The following NCOA3 variants were observed in gnomAD, a reference collection of about 807,000 sequenced individuals.
NCOA3 encodes CBP-interacting protein.
In NCOA3, 51 loss-of-function variants were observed where a neutral mutation model predicts 158.8. The ratio of observed to expected loss-of-function variants is 0.32; its 90% CI spans 0.26 to 0.41. NCOA3 has a LOEUF of 0.41. Ranked by LOEUF, NCOA3 falls within the 10% of genes least tolerant of loss-of-function variation. The pLI is 1.00. For missense variants in NCOA3, 1,510 were observed against 1,746.6 expected (o/e 0.86, Z 2.41); for synonymous variants, 537 against 592.4 (o/e 0.91, Z 1.36).
intron 2 of NCOA3, among the ~76,000 whole-genome samples, chr20:47,588,431 G>A (rs1159385116): frequency 6.8e-6 from 1 of 146,670 alleles, no homozygotes; most frequent in East Asian, 2.1e-4. Flanking sequence ...CACCACGCCC[G>A]ACCTCCACCC....
chr20:47,593,969 CT>C (rs1242396728), intron 2 of NCOA3, among the ~76,000 whole-genome samples: 1 of 152,128 alleles, frequency 6.6e-6, no homozygotes, highest in South Asian at 2.1e-4. Flanking sequence ...ATTATAAATT[CT>C]GCATTCATGC....
chr20:47,517,287 G>C lies in NCOA3; in HGVS notation c.-99+15268G>C, dbSNP rs536297429. ...GTACAGAGTAAAAAGAGATGAGAAA[G>C]AGAAGAAACTGAAGCAGCAGTTAAT... On this transcript the variant is annotated intron_variant, in intron 1 of 22. Transcript: ENST00000371998. 5.3e-5 allele frequency among the ~76,000 whole-genome samples: 8 copies of C among 152,238 alleles called. No individual in the cohort carries two copies. The East Asian group carries it at 5.8e-4, about 11-fold the overall frequency.
intron 1 of NCOA3, among the ~76,000 whole-genome samples, chr20:47,536,805 CTTTTTTTTTT>C (rs1227796813): frequency 1.5e-5 from 2 of 129,730 alleles, no homozygotes; most frequent in Admixed American, 1.6e-4. Flanking sequence ...CTGTTTTTTT[CTTTTTTTTTT>C]TTTTTTTTGA....
chr20:47,516,865 T>C (rs544969150), intron 1 of NCOA3, among the ~76,000 whole-genome samples: 2 of 149,130 alleles, frequency 1.3e-5, no homozygotes, highest in African/African-American at 5.0e-5. Flanking sequence ...AGGCAGAGAT[T>C]GAGCCAAGAT....
intron 1 of NCOA3, among the ~76,000 whole-genome samples, chr20:47,537,295 G>A (rs959825448): frequency 5.3e-5 from 8 of 152,046 alleles, no homozygotes; most frequent in Admixed American, 2.6e-4. Flanking sequence ...TACTTGTAGC[G>A]TTGTAAAGAA....
At chr20:47,625,702 A>G (rs1463300469) in intron 5 of NCOA3, among the ~76,000 whole-genome samples, 1 of 152,156 alleles carries the variant, frequency 6.6e-6, no homozygotes. Context: ...ATATAGTTGC[A>G]AACTGAGGAA....
At position 47,647,356 on chromosome 20, in the gene NCOA3, A is replaced by C. The variant is rs762379937; in HGVS notation, c.3536A>C (p.Gln1179Pro). 6.2e-7 allele frequency: 1 copy of C among 1,613,746 alleles called. No homozygotes were observed. The highest frequency in any genetic ancestry group is 8.5e-7 in the Non-Finnish European group (1 of 1,179,720). The stretch of plus-strand genomic sequence containing the variant: ...AGAATGCAGCTTCAGCAGAGGCTGC[A>C]GGGCCAGCAGGTAACCAGTCATGTG... ...QLRMQLQQRL[Q>P]GQQFLNQSRQ... The change falls in exon 18 of 23, where the codon CAG becomes CCG. Residue 1179 changes from glutamine (Q) to proline (P), a missense_variant. By Grantham distance (76) the Gln-to-Pro change is moderately conservative. Transcript: ENST00000371998.
chr20:47,511,556 T>TATATATATACACACACACATACACA (rs1569310943), intron 1 of NCOA3, among the ~76,000 whole-genome samples: 1 of 30,196 alleles, frequency 3.3e-5, no homozygotes, highest in Non-Finnish European at 1.0e-4. Context: ...TATATATATA[T>TATATATATACACACACACATACACA]TTCTTTTTTT....
intron 10 of NCOA3, 139 bp from the exon 11 acceptor site, chr20:47,635,183 C>G: frequency 6.4e-6 from 5 of 782,432 alleles, no homozygotes; most frequent in Non-Finnish European, 9.6e-6. Context: ...CCTGCCTCAG[C>G]TTCCCAAAGT....
chr20:47,645,064 C>T (rs1455357440), intron 17 of NCOA3, among the ~76,000 whole-genome samples: 3 of 152,096 alleles, frequency 2.0e-5, no homozygotes, highest in African/African-American at 7.2e-5. Flanking sequence ...ATCTGGTAAT[C>T]TTTTATTACC....
chr20:47,596,098 G>T (rs547514869), intron 2 of NCOA3, among the ~76,000 whole-genome samples: 1 of 152,312 alleles, frequency 6.6e-6, no homozygotes, highest in East Asian at 1.9e-4. Flanking sequence ...GAACGGGACG[G>T]TCAGTTCGTA....
intron 1 of NCOA3, among the ~76,000 whole-genome samples, chr20:47,570,939 T>TATATACACACACACAC (rs369516174): frequency 1.7e-5 from 2 of 114,872 alleles, no homozygotes; most frequent in African/African-American, 7.0e-5. Context: ...GTAATATATA[T>TATATACACACACACAC]ACACACACAC....
At chr20:47,580,362 C>T (rs1264866961) in intron 1 of NCOA3, among the ~76,000 whole-genome samples, 1 of 151,988 alleles carries the variant, frequency 6.6e-6, no homozygotes, top group Non-Finnish European at 1.5e-5. Flanking sequence ...GTCAAGAGTT[C>T]GATACCAGCC....
intron 2 of NCOA3, among the ~76,000 whole-genome samples, chr20:47,593,014 A>G (rs980545917): frequency 1.3e-5 from 2 of 151,564 alleles, no homozygotes; most frequent in Admixed American, 1.3e-4. Flanking sequence ...TCTCACTACA[A>G]TCTCTGCCTC....
chr20:47,647,177 G>A lies in NCOA3; in HGVS notation c.3357G>A (p.Gly1119=). Residue 1119 remains glycine (G), a synonymous_variant, in exon 18 of 23, where the codon GGG becomes GGA. Transcript: ENST00000371998. The part of the protein sequence containing the change: ...GLYGQTYPAQ[G]PPMQGGFHLQ... Reference sequence around the variant, plus strand: ...ATGGACAGACATACCCAGCACAGGGGCCTCCAATGCAAGGAGGCTTTCATC... The same window carrying A: ...ATGGACAGACATACCCAGCACAGGGACCTCCAATGCAAGGAGGCTTTCATC... The A allele has an allele frequency of 6.2e-7, 1 of 1,614,102 alleles. No individual in the cohort carries two copies. The highest frequency in any genetic ancestry group is 1.3e-5 in the African/African-American group (1 of 75,020).
intron 5 of NCOA3, among the ~76,000 whole-genome samples, chr20:47,625,805 T>C (rs2086313241): frequency 6.6e-6 from 1 of 152,158 alleles, no homozygotes; most frequent in East Asian, 1.9e-4. Context: ...TGGCCCTTCA[T>C]ATCCATGGGT....
chr20:47,564,624 A>G (rs1449060962), intron 1 of NCOA3, among the ~76,000 whole-genome samples: 3 of 151,590 alleles, frequency 2.0e-5, no homozygotes, highest in South Asian at 2.1e-4. Context: ...CCCAATTGGT[A>G]TCTACATCTT....
At chr20:47,636,790 C>A in intron 12 of NCOA3, 28 bp downstream of exon 12, 2 of 1,533,222 alleles carry the variant, frequency 1.3e-6, no homozygotes, top group Non-Finnish European at 1.8e-6. Context: ...TATTTCAGCT[C>A]ATATTTCATC....
intron 2 of NCOA3, among the ~76,000 whole-genome samples, chr20:47,592,670 A>G (rs1460840682): frequency 1.3e-5 from 2 of 152,182 alleles, no homozygotes; most frequent in African/African-American, 2.4e-5. Context: ...TAATGCCATG[A>G]TCTTTATCTT....
Sources: gnomAD v4.1 joint callset for allele counts (sites outside exome capture counted in the v4.1 genomes callset) on GRCh38, gnomAD v4.1.1 for gene constraint, MANE v1.5 for transcripts, NCBI Gene and HGNC (gene_info 2026-07-23, HGNC 2026-07-21) for gene names.